APPL2: variants seen among roughly 807,000 people sequenced by gnomAD.
APPL2 encodes adaptor protein, phosphotyrosine interacting with PH domain and leucine zipper 2.
Under a neutral mutation model 92.7 loss-of-function variants are expected in APPL2, and 84 were observed. That is an observed-to-expected ratio of 0.91 (90% CI 0.76 to 1.09). APPL2 has a LOEUF of 1.09. Among genes scored for constraint, APPL2 ranks in the 50% least tolerant of loss-of-function variants. APPL2 has a pLI of 0.00. For missense variants in APPL2, 736 were observed against 824.5 expected, an observed-to-expected ratio of 0.89 and a Z score of 1.31; for synonymous variants, 291 against 291.0, an observed-to-expected ratio of 1.00 and a Z score of 0.00.
intron 17 of APPL2, among the ~76,000 whole-genome samples, chr12:105,186,636 C>G (rs57414678): frequency 0.29 from 25,280 of 88,344 alleles, 3,254 homozygotes; most frequent in African/African-American, 0.46. Flanking sequence ...TCATATATAT[C>G]ATATATATGA....
chr12:105,233,100 G>A, intron 1 of APPL2: 1 of 985,452 alleles, frequency 1.0e-6, no homozygotes, highest in Non-Finnish European at 1.2e-6. Flanking sequence ...CAGGACAAGA[G>A]AATAAGCCCC....
chr12:105,217,261 A>C (rs1402068487), intron 3 of APPL2, 121 bp from the exon 4 acceptor site: 2 of 640,080 alleles, frequency 3.1e-6, no homozygotes, highest in Non-Finnish European at 5.4e-6. Context: ...AGCACGTCCT[A>C]TCAGAAGTGT....
chr12:105,232,092 C>T (rs918682248), intron 1 of APPL2, among the ~76,000 whole-genome samples: 1 of 152,202 alleles, frequency 6.6e-6, no homozygotes, highest in African/African-American at 2.4e-5. Context: ...AGCATGGAGA[C>T]ACTTTACATA....
In APPL2 at chr12:105,178,081, G is replaced by A. The variant is rs115615205; in HGVS notation, c.1635-819C>T. ...GCTGGGATTACAGGCATGAACCACC[G>A]CGCCAGGCCTTCAGAATATATTTCT... is the stretch of plus-strand genomic sequence containing the variant. On this transcript the variant is annotated intron_variant, in intron 17 of 20. Coordinates refer to ENST00000258530, the MANE Select transcript of APPL2 (RefSeq NM_018171.5). Among the ~76,000 whole-genome samples, 855 of 152,208 alleles carry A rather than the reference G, an allele frequency of 5.6e-3. 10 individuals carry two copies. Among genetic ancestry groups the A allele is most frequent in the African/African-American group, 0.019 (794 of 41,526 alleles).
chr12:105,174,385 G>T lies in APPL2; in HGVS notation c.1924C>A (p.Leu642Met). The T allele has an allele frequency of 6.2e-7, 1 of 1,613,976 alleles. No homozygotes were observed. Among genetic ancestry groups the T allele is most frequent in the Non-Finnish European group, 8.5e-7 (1 of 1,179,910 alleles). The change falls in exon 21 of 21, where the codon CTG becomes ATG. Residue 642 changes from leucine to methionine, a missense_variant. Transcript: ENST00000258530. ...TCGTCATCTGGTTGATCGTTTAACA[G>T]TACATATTTTCCGTCATTGGTTAGT... ...IPLTNDGKYV[L>M]LNDQPDDDDG...
chr12:105,210,329 A>G (rs555722102), intron 5 of APPL2, among the ~76,000 whole-genome samples: 1 of 152,308 alleles, frequency 6.6e-6, no homozygotes, highest in South Asian at 2.1e-4. Context: ...GCCGCAAAAA[A>G]AGCTTAAAGT....
chr12:105,229,155 G>A lies in APPL2; in HGVS notation c.123C>T (p.Leu41=). 1 of 1,613,184 alleles carries A rather than the reference G, an allele frequency of 6.2e-7. No individual in the cohort carries two copies. The highest frequency in any genetic ancestry group is 1.1e-5 in the South Asian group (1 of 90,982). The change falls in exon 2 of 21, where the codon CTC becomes CTT. Residue 41 remains leucine, a synonymous_variant. Coordinates refer to ENST00000258530, the MANE Select transcript of APPL2 (RefSeq NM_018171.5). ...GTLTDYTNQL[L]QAMQRVYGAQ... ...CTCCATAGACGCGCTGCATTGCCTG[G>A]AGCAGCTGGTTGGTATAGTCTGTGA...
intron 9 of APPL2, among the ~76,000 whole-genome samples, chr12:105,200,957 G>A (rs1019223054): frequency 6.6e-6 from 1 of 152,064 alleles, no homozygotes; most frequent in Non-Finnish European, 1.5e-5. Context: ...CACCCAGGCT[G>A]GAGTGCAGTG....
At chr12:105,177,620 C>T (rs971526973) in intron 17 of APPL2, among the ~76,000 whole-genome samples, 2 of 152,104 alleles carry the variant, frequency 1.3e-5, no homozygotes, top group African/African-American at 4.8e-5. Context: ...CCATTGGCAA[C>T]TTTAATGTCC....
Position 105,207,829 on chromosome 12 carries a change from T to C in APPL2, c.474+142A>G, listed in dbSNP as rs1200739336. 3.3e-5 allele frequency: 23 copies of C among 701,874 alleles called. No individual in the cohort carries two copies. The East Asian group carries it at 5.6e-4, about 17-fold the overall frequency. The allele number at this position is 701,874 out of a possible 1,614,324, so 43.5% of individuals were successfully genotyped here. A position where few individuals can be genotyped will look rare whatever the true frequency, so the allele number is the denominator to read the frequency against. ...AGAAGTGGAGGTCTACTTATGAGAT[T>C]TGGAATGAACAATTTTAAAAGTCCA... On this transcript the variant is annotated intron_variant, in intron 7 of 20. Coordinates refer to ENST00000258530, the MANE Select transcript of APPL2 (RefSeq NM_018171.5).
chr12:105,184,174 A>G (rs1443351916), intron 17 of APPL2, among the ~76,000 whole-genome samples: 1 of 152,058 alleles, frequency 6.6e-6, no homozygotes, highest in African/African-American at 2.4e-5. Flanking sequence ...TTTTATCCAG[A>G]TTCTTAGCTT....
At chr12:105,186,627 C>CATATATATATCGAT (rs369194401) in intron 17 of APPL2, among the ~76,000 whole-genome samples, 3 of 100,292 alleles carry the variant, frequency 3.0e-5, no homozygotes, top group African/African-American at 1.5e-4. Context: ...ATATATATAT[C>CATATATATATCGAT]ATATATATCA....
chr12:105,182,922 G>A (rs1196856), intron 17 of APPL2, among the ~76,000 whole-genome samples: 55,848 of 151,420 alleles, frequency 0.37, 11,189 homozygotes, highest in Middle Eastern at 0.54. Context: ...CTTGTTTTAC[G>A]AATCTGGGTG....
intron 17 of APPL2, among the ~76,000 whole-genome samples, chr12:105,184,774 T>C (rs368800484): frequency 6.6e-6 from 1 of 152,192 alleles, no homozygotes; most frequent in African/African-American, 2.4e-5. Flanking sequence ...TTAGCAGAGC[T>C]CAAGCGTTGT....
chr12:105,233,107 C>A (rs1290821376), intron 1 of APPL2: 2 of 985,350 alleles, frequency 2.0e-6, no homozygotes, highest in Non-Finnish European at 2.4e-6. Context: ...AGAGAATAAG[C>A]CCCTGAAGAA....
At chr12:105,180,791 G>C (rs755483281) in intron 17 of APPL2, among the ~76,000 whole-genome samples, 13 of 152,224 alleles carry the variant, frequency 8.5e-5, no homozygotes, top group African/African-American at 2.7e-4. Context: ...AGGAATGCTT[G>C]TGATTTTTGC....
In APPL2 at chr12:105,176,027, C is replaced by T. The variant is rs774829853; in HGVS notation, c.1860+8G>A. On this transcript the variant is annotated splice_region_variant and intron_variant, in intron 20 of 20. Transcript: ENST00000258530. ...TAGCTACTAAACCAGCGCTAGAATG[C>T]ATCTTACCTTCTGAACCTCAATAAT... is the stretch of plus-strand genomic sequence containing the variant. The T allele has an allele frequency of 1.3e-6, 2 of 1,581,396 alleles. No individual in the cohort carries two copies. Among genetic ancestry groups the T allele is most frequent in the African/African-American group, 1.4e-5 (1 of 72,724 alleles).
intron 17 of APPL2, 109 bp from the exon 18 acceptor site, chr12:105,177,371 A>G: frequency 8.5e-7 from 1 of 1,181,602 alleles, no homozygotes; most frequent in Non-Finnish European, 1.2e-6. Flanking sequence ...ATAGAGATAA[A>G]GCCTGTTAGA....
chr12:105,187,236 A>G (rs1169445988), intron 17 of APPL2, among the ~76,000 whole-genome samples: 1 of 152,224 alleles, frequency 6.6e-6, no homozygotes, highest in African/African-American at 2.4e-5. Flanking sequence ...AATGAAAAGG[A>G]TGGGCTTAAT....
Sources: gnomAD v4.1 joint callset for allele counts (sites outside exome capture counted in the v4.1 genomes callset) on GRCh38, gnomAD v4.1.1 for gene constraint, MANE v1.5 for transcripts, NCBI Gene and HGNC (gene_info 2026-07-23, HGNC 2026-07-21) for gene names.